The following THSD7A variants were observed in gnomAD, a reference collection of about 807,000 sequenced individuals.
THSD7A encodes thrombospondin type-1 domain-containing protein 7A.
In THSD7A, 96 loss-of-function variants were observed where a neutral mutation model predicts 231.3. That is an observed-to-expected ratio of 0.41 (90% CI 0.35 to 0.49). The LOEUF (loss-of-function observed/expected upper bound fraction) is 0.49. Among genes scored for constraint, THSD7A ranks in the 20% least tolerant of loss-of-function variants. THSD7A has a pLI of 0.05. For synonymous variants in THSD7A, 940 were observed against 743.3 expected, an observed-to-expected ratio of 1.26 and a Z score of -4.30; for missense variants, 2,290 against 2,070.2, an observed-to-expected ratio of 1.11 and a Z score of -2.06.
chr7:11,409,717 A>G (rs1030763592), intron 19 of THSD7A, among the ~76,000 whole-genome samples: 6 of 152,114 alleles, frequency 3.9e-5, no homozygotes, highest in African/African-American at 1.4e-4. Flanking sequence ...TCCAGCCAGT[A>G]TATGACCATT....
At chr7:11,746,117 T>A (rs1209420581) in intron 1 of THSD7A, among the ~76,000 whole-genome samples, 1 of 151,344 alleles carries the variant, frequency 6.6e-6, no homozygotes, top group Non-Finnish European at 1.5e-5. Context: ...CCAGGTTTAA[T>A]CAACCTTTTA....
intron 6 of THSD7A, among the ~76,000 whole-genome samples, chr7:11,488,991 T>C (rs62438206): frequency 6.6e-6 from 1 of 152,014 alleles, no homozygotes; most frequent in Non-Finnish European, 1.5e-5. Context: ...CCAGATGGAG[T>C]TGTGCTCTGC....
chr7:11,370,845 T>C lies in THSD7A; in HGVS notation c.*4949A>G, dbSNP rs1389712576. 1.3e-5 allele frequency: 2 copies of C among 152,158 alleles called. No homozygotes were observed. The highest frequency in any genetic ancestry group is 1.9e-4 in the East Asian group (1 of 5,202). 9.4% of individuals were successfully genotyped at this position (152,158 alleles called of 1,614,324 possible). ...TACTGATCTCTTCAAATCTGTGTGA[T>C]AGAAATGGAGAAAAAAAGTACCAGA... On this transcript the variant is annotated 3_prime_UTR_variant, in exon 28 of 28. Coordinates refer to ENST00000423059, the MANE Select transcript of THSD7A (RefSeq NM_015204.3).
chr7:11,388,396 A>C (rs1782848635), intron 23 of THSD7A, among the ~76,000 whole-genome samples: 1 of 152,018 alleles, frequency 6.6e-6, no homozygotes, highest in Non-Finnish European at 1.5e-5. Flanking sequence ...CAGGGATTCG[A>C]CTTCTTCCTG....
At chr7:11,671,276 G>A (rs1783381746) in intron 1 of THSD7A, among the ~76,000 whole-genome samples, 1 of 152,130 alleles carries the variant, frequency 6.6e-6, no homozygotes, top group African/African-American at 2.4e-5. Flanking sequence ...CTCTGGCTCT[G>A]TGTGGCTTTA....
intron 11 of THSD7A, among the ~76,000 whole-genome samples, chr7:11,460,420 CCTGA>C (rs1438810001): frequency 6.6e-6 from 1 of 152,054 alleles, no homozygotes; most frequent in Non-Finnish European, 1.5e-5. Context: ...GAAAGCTTGG[CCTGA>C]CTTTCTTTCA....
In THSD7A at chr7:11,716,390, A is replaced by G. The variant is rs185814598; in HGVS notation, c.191-79429T>C. ...ACAGGAAATTACAATGTAGGGATTC[A>G]AGGACAATGATGGGAACACACAGAA... On this transcript the variant is annotated intron_variant, in intron 1 of 27. Coordinates refer to ENST00000423059, the MANE Select transcript of THSD7A (RefSeq NM_015204.3). Among the ~76,000 whole-genome samples the G allele has an allele frequency of 2.0e-5, 3 of 151,742 alleles. No individual in the cohort carries two copies. The East Asian group carries it at 5.9e-4, about 30-fold the overall frequency.
At chr7:11,496,077 C>T (rs17164676) in intron 6 of THSD7A, among the ~76,000 whole-genome samples, 4,867 of 152,140 alleles carry the variant, frequency 0.032, 261 homozygotes, top group African/African-American at 0.11. Context: ...CTATAATGTT[C>T]CTGAATTCTA....
At chr7:11,398,156 A>T (rs1314187170) in intron 23 of THSD7A, among the ~76,000 whole-genome samples, 1 of 152,218 alleles carries the variant, frequency 6.6e-6, no homozygotes, top group Non-Finnish European at 1.5e-5. Context: ...TCAATGATAG[A>T]CTGGATGAAG....
chr7:11,784,202 G>A (rs1031906385), intron 1 of THSD7A, among the ~76,000 whole-genome samples: 19 of 151,238 alleles, frequency 1.3e-4, no homozygotes, highest in East Asian at 7.8e-4. Flanking sequence ...ATATATATAC[G>A]TGTGTGTATA....
chr7:11,637,056 T>C lies in THSD7A; in HGVS notation c.191-95A>G. The stretch of plus-strand genomic sequence containing the variant: ...AAAGACCTTTCAAGACCTAGTACAT[T>C]AACTTCCCTGCGGTGTTACAAAGTA... On this transcript the variant is annotated intron_variant, in intron 1 of 27. Coordinates refer to ENST00000423059, the MANE Select transcript of THSD7A (RefSeq NM_015204.3). The surrounding 1 kb of genome is among the most constrained non-coding windows in gnomAD (Gnocchi z 4.2). The C allele has an allele frequency of 8.7e-7, 1 of 1,145,048 alleles. No homozygotes were observed. The highest frequency in any genetic ancestry group is 1.2e-6 in the Non-Finnish European group (1 of 810,622). 70.9% of individuals were successfully genotyped at this position (1,145,048 alleles called of 1,614,324 possible).
intron 2 of THSD7A, among the ~76,000 whole-genome samples, chr7:11,605,741 G>A (rs1027153250): frequency 6.6e-6 from 1 of 152,102 alleles, no homozygotes; most frequent in Non-Finnish European, 1.5e-5. Context: ...TAGGCTGGAG[G>A]AAAAAGCCCT....
intron 1 of THSD7A, among the ~76,000 whole-genome samples, chr7:11,821,486 A>G (rs1784872317): frequency 6.6e-6 from 1 of 152,158 alleles, no homozygotes; most frequent in South Asian, 2.1e-4. Context: ...AAGAGAAAAC[A>G]GAACATGTAA....
intron 6 of THSD7A, among the ~76,000 whole-genome samples, chr7:11,519,645 G>T (rs1301193427): frequency 6.6e-6 from 1 of 152,150 alleles, no homozygotes; most frequent in Admixed American, 6.6e-5. Context: ...TTAAAATAAG[G>T]ATGAGAATGC....
rs1554326848 is a variant in THSD7A, at chr7:11,509,823, A to AAAAAAAAAAAATAAAT, written c.1823-27842_1823-27841insATTTATTTTTTTTTTT. Among the ~76,000 whole-genome samples the AAAAAAAAAAAATAAAT allele has an allele frequency of 1.6e-4, 23 of 141,814 alleles. 1 individual carries two copies. The highest frequency in any genetic ancestry group is 6.2e-4 in the African/African-American group (23 of 37,364). The allele number at this position is 141,814 out of a possible 152,430, so 93.0% of individuals were successfully genotyped here. Reference sequence around the variant, plus strand: ...GGCGACAGAGCCAGAGTCCGTCTCAAAAAAAAAAAAAAATAACATCTGAAG... The same window carrying AAAAAAAAAAAATAAAT: ...GGCGACAGAGCCAGAGTCCGTCTCAAAAAAAAAAAAATAAATAAAAAAAAAAAAATAACATCTGAAG... On this transcript the variant is annotated intron_variant, in intron 6 of 27. Coordinates refer to ENST00000423059, the MANE Select transcript of THSD7A (RefSeq NM_015204.3).
intron 2 of THSD7A, among the ~76,000 whole-genome samples, chr7:11,628,116 A>G (rs1274265835): frequency 6.6e-6 from 1 of 152,172 alleles, no homozygotes; most frequent in Non-Finnish European, 1.5e-5. Context: ...TAGCAAATGT[A>G]TATAACTTAT....
intron 2 of THSD7A, among the ~76,000 whole-genome samples, chr7:11,611,237 G>T (rs1780910723): frequency 6.6e-6 from 1 of 151,922 alleles, no homozygotes; most frequent in African/African-American, 2.4e-5. Flanking sequence ...TAAAATAAAT[G>T]AATCCAATTA....
At chr7:11,593,204 C>A in intron 3 of THSD7A, 50 bp downstream of exon 3, 1 of 1,592,758 alleles carries the variant, frequency 6.3e-7, no homozygotes, top group South Asian at 1.1e-5. Flanking sequence ...AATCAAATAG[C>A]TGAGCAAATG....
At chr7:11,749,503 C>A (rs1403815243) in intron 1 of THSD7A, among the ~76,000 whole-genome samples, 1 of 151,296 alleles carries the variant, frequency 6.6e-6, no homozygotes, top group East Asian at 1.9e-4. Flanking sequence ...GGCCATCACC[C>A]AAATGTGTAT....
Sources: allele counts gnomAD v4.1 joint callset (sites outside exome capture counted in the v4.1 genomes callset), GRCh38; gene constraint gnomAD v4.1.1; non-coding constraint Gnocchi (gnomAD v3.1); transcripts MANE v1.5; gene names NCBI Gene and HGNC (gene_info 2026-07-23, HGNC 2026-07-21).